BLOC1S3: variants seen among roughly 807,000 people sequenced by gnomAD.
BLOC1S3 encodes biogenesis of lysosome-related organelles complex 1 subunit 3.
Under a neutral mutation model 9.1 loss-of-function variants are expected in BLOC1S3, and 7 were observed. The ratio of observed to expected loss-of-function variants is 0.77; its 90% CI spans 0.44 to 1.45. BLOC1S3 has a LOEUF of 1.45. Ranked by LOEUF, BLOC1S3 falls within the 40% of genes most tolerant of loss-of-function variation. BLOC1S3 has a pLI of 0.01. For missense variants in BLOC1S3, 307 were observed against 315.2 expected, an observed-to-expected ratio of 0.97 and a Z score of 0.20; for synonymous variants, 145 against 158.4, an observed-to-expected ratio of 0.92 and a Z score of 0.64.
intron 3 of BLOC1S3, chr19:45,212,597 C>CAT (rs1185376275): frequency 1.6e-5 from 2 of 127,568 alleles, no homozygotes; most frequent in African/African-American, 6.5e-5. Flanking sequence ...TTTCCCCCTA[C>CAT]CTTTTTTTTT....
intron 3 of BLOC1S3, among the ~76,000 whole-genome samples, chr19:45,208,342 C>T (rs1406817424): frequency 6.6e-6 from 1 of 152,070 alleles, no homozygotes; most frequent in Non-Finnish European, 1.5e-5. Flanking sequence ...TGCCATCGCT[C>T]ATACCTGTAA....
intron 3 of BLOC1S3, among the ~76,000 whole-genome samples, chr19:45,204,074 T>C (rs1165911610): frequency 6.6e-6 from 1 of 151,680 alleles, no homozygotes; most frequent in Non-Finnish European, 1.5e-5. Flanking sequence ...TGGCGCAATC[T>C]TGGCTCACTG....
chr19:45,194,639 C>T (rs1056117673), intron 2 of BLOC1S3, among the ~76,000 whole-genome samples: 4 of 152,094 alleles, frequency 2.6e-5, no homozygotes, highest in African/African-American at 9.7e-5. Flanking sequence ...TAGCAATGAA[C>T]ACGAATGACC....
chr19:45,183,687 C>T (rs1385633977), downstream of BLOC1S3, among the ~76,000 whole-genome samples: 18 of 132,506 alleles, frequency 1.4e-4, no homozygotes, highest in South Asian at 2.4e-4. Context: ...AGTGCAGTGG[C>T]GAGATCTCAG....
At chr19:45,181,964 C>T (rs1051105066), downstream of BLOC1S3, among the ~76,000 whole-genome samples, 2 of 152,058 alleles carry the variant, frequency 1.3e-5, no homozygotes, top group African/African-American at 2.4e-5. Context: ...TGTATTTACT[C>T]GTATTTTATT....
At chr19:45,182,267 CAG>C (rs1387410068), downstream of BLOC1S3, among the ~76,000 whole-genome samples, 2 of 152,174 alleles carry the variant, frequency 1.3e-5, no homozygotes, top group South Asian at 4.1e-4. Context: ...TCCAGCTACT[CAG>C]GGAGCTGGGG....
chr19:45,207,203 G>T (rs188105807), intron 3 of BLOC1S3, among the ~76,000 whole-genome samples: 1 of 151,134 alleles, frequency 6.6e-6, no homozygotes, highest in Non-Finnish European at 1.5e-5. Flanking sequence ...CACGATATCG[G>T]CTTAGTGCAA....
intron 2 of BLOC1S3, among the ~76,000 whole-genome samples, chr19:45,194,133 G>GGC: frequency 1.7e-5 from 1 of 59,264 alleles, no homozygotes; most frequent in Non-Finnish European, 3.0e-5. Context: ...TTTTTAATGA[G>GGC]ATGGAGTCTC....
chr19:45,204,620 T>C (rs974743044), intron 3 of BLOC1S3, among the ~76,000 whole-genome samples: 7 of 152,278 alleles, frequency 4.6e-5, no homozygotes, highest in Admixed American at 2.0e-4. Context: ...GACATCTCAG[T>C]TGGGATGGCT....
downstream of BLOC1S3, among the ~76,000 whole-genome samples, chr19:45,183,270 A>C (rs900518817): frequency 6.6e-6 from 1 of 152,106 alleles, no homozygotes. Context: ...ACCTGAAGTC[A>C]GGAGTTCGAG....
At chr19:45,204,658 ATCTC>A (rs1321419954) in intron 3 of BLOC1S3, among the ~76,000 whole-genome samples, 3 of 152,044 alleles carry the variant, frequency 2.0e-5, no homozygotes, top group Non-Finnish European at 2.9e-5. Context: ...CCAGTTATCT[ATCTC>A]TCTCTCCATG....
At chr19:45,205,759 A>G (rs76944411) in intron 3 of BLOC1S3, among the ~76,000 whole-genome samples, 3 of 152,206 alleles carry the variant, frequency 2.0e-5, no homozygotes, top group South Asian at 4.1e-4. Context: ...AACAACTAGT[A>G]TCCAGATATT....
chr19:45,198,486 G>A (rs138660053), intron 2 of BLOC1S3, among the ~76,000 whole-genome samples: 10 of 152,220 alleles, frequency 6.6e-5, no homozygotes, highest in Non-Finnish European at 1.5e-4. Flanking sequence ...TAGAGACAAG[G>A]TTTCGCCATG....
At chr19:45,196,402 T>C (rs1969648831) in intron 2 of BLOC1S3, among the ~76,000 whole-genome samples, 2 of 151,764 alleles carry the variant, frequency 1.3e-5, no homozygotes, top group African/African-American at 4.8e-5. Flanking sequence ...ATGGTGTCCA[T>C]GGTCCAGGTG....
rs1404871064 is a variant in BLOC1S3 at position 45,179,049 on chromosome 19, G to C, written c.-10+218G>C. 2.6e-5 allele frequency among the ~76,000 whole-genome samples: 4 copies of C among 152,190 alleles called. No homozygotes were observed. Among genetic ancestry groups the C allele is most frequent in the African/African-American group, 4.8e-5 (2 of 41,438 alleles). ...CCTCGGCTTGGGACTCCGGGAACTC[G>C]GGCCCCAGATCCTTGTTCGAGCTGG... is the stretch of plus-strand genomic sequence containing the variant. On this transcript the variant is annotated intron_variant, in intron 1 of 1. Transcript: ENST00000433642. This position sits in a 1 kb window ranked among gnomAD's most constrained non-coding sequence, Gnocchi z 4.6.
At chr19:45,201,153 A>G (rs1969687846) in intron 2 of BLOC1S3, among the ~76,000 whole-genome samples, 3 of 151,116 alleles carry the variant, frequency 2.0e-5, no homozygotes, top group Middle Eastern at 3.4e-3. Context: ...CACTGAGTGG[A>G]GATTGCAGCA....
chr19:45,195,199 G>A (rs895010055), intron 2 of BLOC1S3, among the ~76,000 whole-genome samples: 1 of 151,868 alleles, frequency 6.6e-6, no homozygotes, highest in African/African-American at 2.4e-5. Flanking sequence ...GTGAGCCACC[G>A]CGCCTGGCCA....
At chr19:45,184,676 G>A (rs1156415977), downstream of BLOC1S3, among the ~76,000 whole-genome samples, 1 of 152,002 alleles carries the variant, frequency 6.6e-6, no homozygotes, top group East Asian at 1.9e-4. Flanking sequence ...CGAGGTTGGT[G>A]GATCACGAGG....
At chr19:45,209,194 G>A (rs1478770733) in intron 3 of BLOC1S3, among the ~76,000 whole-genome samples, 1 of 151,464 alleles carries the variant, frequency 6.6e-6, no homozygotes, top group Non-Finnish European at 1.5e-5. Context: ...GATTACAGGC[G>A]AGCACCACCA....
Sources: allele counts gnomAD v4.1 joint callset (sites outside exome capture counted in the v4.1 genomes callset), GRCh38; gene constraint gnomAD v4.1.1; non-coding constraint Gnocchi (gnomAD v3.1); transcripts MANE v1.5; gene names NCBI Gene and HGNC (gene_info 2026-07-23, HGNC 2026-07-21).